The following TST variants were observed in gnomAD, a reference collection of about 807,000 sequenced individuals.
The protein encoded by TST is epididymis secretory sperm binding protein.
In TST, 22 loss-of-function variants were observed where a neutral mutation model predicts 20.4. That is an observed-to-expected ratio of 1.08 (90% CI 0.77 to 1.54). TST has a LOEUF of 1.54. TST is among the 40% of genes most tolerant of loss of function. The pLI, the probability that TST is intolerant of heterozygous loss-of-function variation, is 0.00. For synonymous variants in TST, 187 were observed against 173.8 expected (o/e 1.08, Z -0.60); for missense variants, 392 against 405.2 (o/e 0.97, Z 0.28).
chr22:37,015,713 T>C (rs1219243867), intron 2 of TST, among the ~76,000 whole-genome samples: 1 of 152,200 alleles, frequency 6.6e-6, no homozygotes, highest in East Asian at 1.9e-4. Flanking sequence ...TGCCCCTGTG[T>C]GTTACATCTG....
chr22:37,013,999 AG>A (rs1182526542), intron 2 of TST, among the ~76,000 whole-genome samples: 1 of 152,178 alleles, frequency 6.6e-6, no homozygotes, highest in East Asian at 1.9e-4. Flanking sequence ...AGGGGAGCTC[AG>A]GGCCTGTCTG....
intron 2 of TST, among the ~76,000 whole-genome samples, chr22:37,014,177 A>T (rs1413630543): frequency 6.6e-6 from 1 of 152,172 alleles, no homozygotes; most frequent in Non-Finnish European, 1.5e-5. Flanking sequence ...CCTGGCTAAC[A>T]CGGTGAAACC....
At chr22:37,015,083 C>G (rs1647745371) in intron 2 of TST, among the ~76,000 whole-genome samples, 1 of 152,152 alleles carries the variant, frequency 6.6e-6, no homozygotes, top group South Asian at 2.1e-4. Context: ...CCACCCACAG[C>G]AGTAGCCTTG....
In TST at chr22:37,018,452, G is replaced by C; in HGVS notation, c.281C>G (p.Thr94Arg). Residue 94 changes from threonine to arginine, a missense_variant, in exon 2 of 3, where the codon ACG (threonine) becomes AGG (arginine). Transcript: ENST00000249042. ...TTCACCATCATACACCACCACGTGC[G>C]TGTGGTTGCTGATGCCCAGGCGGCC... is the stretch of plus-strand genomic sequence containing the variant. ...YVGRLGISNHTHVVVYDGEHL... is the reference protein window; with the variant it reads ...YVGRLGISNHRHVVVYDGEHL... The C allele has an allele frequency of 6.2e-7, 1 of 1,613,040 alleles. No individual in the cohort carries two copies. Among genetic ancestry groups the C allele is most frequent in the Non-Finnish European group, 8.5e-7 (1 of 1,179,874 alleles).
upstream of TST, chr22:37,019,867 A>C: frequency 8.2e-7 from 1 of 1,213,968 alleles, no homozygotes; most frequent in Non-Finnish European, 1.0e-6. Context: ...GGAGTCCGAG[A>C]CCCGGGTAAC....
At position 37,014,384 on chromosome 22, in the gene TST, C is replaced by CA. The variant is rs759726303; in HGVS notation, c.596-3060dup. On this transcript the variant is annotated intron_variant, in intron 2 of 2. Transcript: ENST00000249042. ...GACTCCGTCTCAAAAAACAAACAAA[C>CA]AAACAAAAAGAACAGCCAGTTGGTG... 1.1e-3 allele frequency among the ~76,000 whole-genome samples: 169 copies of CA among 151,892 alleles called. 2 individuals carry two copies. Among genetic ancestry groups the CA allele is most frequent in the African/African-American group, 3.7e-3 (152 of 41,388 alleles).
At chr22:37,019,989 A>C (rs903900788), upstream of TST, 28 of 487,572 alleles carry the variant, frequency 5.7e-5, no homozygotes, top group Non-Finnish European at 8.7e-5. Flanking sequence ...TTAGTCTAGG[A>C]GAGAAGGCGC....
At chr22:37,014,846 G>T (rs372558396) in intron 2 of TST, among the ~76,000 whole-genome samples, 1 of 152,102 alleles carries the variant, frequency 6.6e-6, no homozygotes, top group Non-Finnish European at 1.5e-5. Flanking sequence ...GCTGTCTGGC[G>T]CTTTCTCCTT....
chr22:37,013,844 C>T (rs77622294), intron 2 of TST, among the ~76,000 whole-genome samples: 1 of 151,352 alleles, frequency 6.6e-6, no homozygotes, highest in Non-Finnish European at 1.5e-5. Flanking sequence ...GGGTTGAATC[C>T]TGTTTTGTTG....
rs369798645 is a variant in TST, at chr22:37,018,352, G to C, written c.381C>G (p.Leu127=). Reference sequence around the variant, plus strand: ...TCAGCCAGTTCCGGAAGCCACCATTGAGCACTGATACGGTGCGGTGGCCAA... The same window carrying C: ...TCAGCCAGTTCCGGAAGCCACCATTCAGCACTGATACGGTGCGGTGGCCAA... ...RVFGHRTVSV[L]NGGFRNWLKE... The change falls in exon 2 of 3, where the codon CTC becomes CTG. Residue 127 remains leucine, a synonymous_variant. Coordinates refer to ENST00000249042, the MANE Select transcript of TST (RefSeq NM_003312.6). The C allele has an allele frequency of 3.1e-6, 5 of 1,613,916 alleles. 1 individual carries two copies. In the African/African-American group the frequency reaches 5.3e-5, roughly 17 times the overall value.
At chr22:37,015,560 C>G (rs926062286) in intron 2 of TST, among the ~76,000 whole-genome samples, 4 of 152,236 alleles carry the variant, frequency 2.6e-5, no homozygotes, top group African/African-American at 9.6e-5. Context: ...AGGCACAAAA[C>G]TACAGCCAAA....
At chr22:37,019,756 T>C (rs1922904675), upstream of TST, 1 of 606,194 alleles carries the variant, frequency 1.6e-6, no homozygotes, top group Non-Finnish European at 2.4e-6. Flanking sequence ...CGGAGTCTCC[T>C]CCCTTTGGTC....
chr22:37,019,715 G>A (rs1471351321), upstream of TST: 5 of 422,522 alleles, frequency 1.2e-5, no homozygotes, highest in Non-Finnish European at 2.0e-5. Context: ...GGGCAGCAGC[G>A]GCTCCGAGTG....
At chr22:37,019,758 C>G, upstream of TST, 3 of 620,518 alleles carry the variant, frequency 4.8e-6, no homozygotes, top group Non-Finnish European at 7.0e-6. Flanking sequence ...GAGTCTCCTC[C>G]CTTTGGTCCG....
chr22:37,014,418 C>T (rs769638076), intron 2 of TST, among the ~76,000 whole-genome samples: 6 of 152,174 alleles, frequency 3.9e-5, no homozygotes, highest in African/African-American at 7.2e-5. Context: ...TGGAAAGGCA[C>T]GTTGGGCCAG....
At chr22:37,020,114 A>G, upstream of TST, 1 of 383,856 alleles carries the variant, frequency 2.6e-6, no homozygotes, top group Non-Finnish European at 4.6e-6. Flanking sequence ...GTGGCACCAG[A>G]GAGGGCGGGG....
intron 2 of TST, 63 bp from the exon 3 acceptor site, chr22:37,011,388 A>G (rs1922476113): frequency 1.3e-6 from 2 of 1,520,684 alleles, no homozygotes; most frequent in Non-Finnish European, 1.8e-6. Flanking sequence ...TGGGGCCTGG[A>G]GGATTCCATC....
At chr22:37,016,476 G>C (rs1328805536) in intron 2 of TST, among the ~76,000 whole-genome samples, 1 of 152,066 alleles carries the variant, frequency 6.6e-6, no homozygotes, top group Non-Finnish European at 1.5e-5. Context: ...CCTTCAGGAG[G>C]CATTACCCAC....
chr22:37,014,693 C>T (rs1249042541), intron 2 of TST, among the ~76,000 whole-genome samples: 2 of 152,224 alleles, frequency 1.3e-5, no homozygotes, highest in Non-Finnish European at 2.9e-5. Flanking sequence ...CTGCCCCCAA[C>T]GCCTGTGTTC....
Sources: allele counts gnomAD v4.1 joint callset (sites outside exome capture counted in the v4.1 genomes callset), GRCh38; gene constraint gnomAD v4.1.1; transcripts MANE v1.5; gene names NCBI Gene and HGNC (gene_info 2026-07-23, HGNC 2026-07-21).